FRY: variants seen among roughly 807,000 people sequenced by gnomAD.
The protein encoded by FRY is protein furry homolog.
In FRY, 128 loss-of-function variants were observed where a neutral mutation model predicts 348.4. That is an observed-to-expected ratio of 0.37 (90% confidence interval 0.32 to 0.43). FRY has a LOEUF of 0.43. FRY is among the 20% of genes least tolerant of loss of function. The pLI, the probability that FRY is intolerant of heterozygous loss-of-function variation, is 1.00. For missense variants in FRY, 2,736 were observed against 3,695.2 expected (o/e 0.74, Z 6.73); for synonymous variants, 1,370 against 1,374.7 (o/e 1.00, Z 0.08).
chr13:32,124,565 A>T, intron 5 of FRY, 37 bp from the exon 6 acceptor site: 1 of 1,214,826 alleles, frequency 8.2e-7, no homozygotes, highest in Non-Finnish European at 1.2e-6. Flanking sequence ...GTTCTTTAAT[A>T]TTCCCTTCTG....
intron 4 of FRY, among the ~76,000 whole-genome samples, chr13:32,119,526 G>A (rs1489261467): frequency 6.6e-6 from 1 of 151,806 alleles, no homozygotes; most frequent in African/African-American, 2.4e-5. Context: ...TTTCTGCCAA[G>A]AACTGCTACT....
At chr13:32,290,086 C>G (rs897389230) in intron 59 of FRY, among the ~76,000 whole-genome samples, 3 of 152,100 alleles carry the variant, frequency 2.0e-5, no homozygotes, top group Non-Finnish European at 4.4e-5. Flanking sequence ...TGTGGGTTTT[C>G]TTCTTTACAT....
chr13:32,113,389 T>C (rs565035270), intron 3 of FRY, among the ~76,000 whole-genome samples: 2 of 152,362 alleles, frequency 1.3e-5, no homozygotes, highest in East Asian at 3.9e-4. Flanking sequence ...TTAACAAGTA[T>C]AATGAAATGC....
intron 55 of FRY, among the ~76,000 whole-genome samples, chr13:32,267,834 A>G (rs574974958): frequency 1.3e-5 from 2 of 152,340 alleles, no homozygotes; most frequent in South Asian, 4.1e-4. Context: ...ATGAAAAGTC[A>G]TTCTTGCTGT....
intron 2 of FRY, among the ~76,000 whole-genome samples, chr13:32,093,629 G>A (rs1876483990): frequency 6.6e-6 from 1 of 152,220 alleles, no homozygotes; most frequent in Non-Finnish European, 1.5e-5. Context: ...TCCATCAGAA[G>A]GGACGTAATG....
chr13:32,035,089 T>G (rs1872442611), intron 1 of FRY, among the ~76,000 whole-genome samples: 1 of 152,176 alleles, frequency 6.6e-6, no homozygotes, highest in Non-Finnish European at 1.5e-5. Flanking sequence ...CCTAGCACAT[T>G]GTAAATGCCC....
At position 32,137,051 on chromosome 13, in the gene FRY, G is replaced by A. The variant is rs1171121151; in HGVS notation, c.1179+79G>A. The stretch of plus-strand genomic sequence containing the variant: ...TAGGCTGGCTGATGTGCTTCTGGAA[G>A]TGACTCCTGATGTTTGCCAGGGGAA... On this transcript the variant is annotated intron_variant, in intron 11 of 60. Coordinates refer to ENST00000542859, the MANE Select transcript of FRY (RefSeq NM_023037.3). 3.7e-6 allele frequency: 3 copies of A among 812,962 alleles called. No individual in the cohort carries two copies. The African/African-American group carries it at 5.0e-5, about 14-fold the overall frequency. The allele number at this position is 812,962 out of a possible 1,614,324, so 50.4% of individuals were successfully genotyped here.
At chr13:32,210,174 G>C (rs1370371051) in intron 33 of FRY, among the ~76,000 whole-genome samples, 1 of 152,238 alleles carries the variant, frequency 6.6e-6, no homozygotes, top group African/African-American at 2.4e-5. Flanking sequence ...TGGTAGAAGA[G>C]AGAAGTAAGC....
chr13:32,277,677 T>G (rs17592921), intron 57 of FRY, among the ~76,000 whole-genome samples: 10,739 of 152,310 alleles, frequency 0.071, 480 homozygotes, highest in Admixed American at 0.11. Context: ...TTGGGGTTTG[T>G]TTATTGCTAT....
At position 32,110,092 on chromosome 13, in the gene FRY, G is replaced by A. The variant is rs1877858979; in HGVS notation, c.325-7242G>A. Reference sequence around the variant, plus strand: ...TTTGAGGAAGGCTTTTGCTGCAATGGCTATTCATGGATGTGTAGAGTGCAT... The same window carrying A: ...TTTGAGGAAGGCTTTTGCTGCAATGACTATTCATGGATGTGTAGAGTGCAT... On this transcript the variant is annotated intron_variant, in intron 3 of 60. Coordinates refer to ENST00000542859, the MANE Select transcript of FRY (RefSeq NM_023037.3). 2.6e-5 allele frequency among the ~76,000 whole-genome samples: 4 copies of A among 152,200 alleles called. No individual in the cohort carries two copies. The South Asian group carries it at 8.3e-4, about 32-fold the overall frequency.
chr13:32,040,869 A>G (rs1268420120), intron 1 of FRY, among the ~76,000 whole-genome samples: 1 of 152,234 alleles, frequency 6.6e-6, no homozygotes, highest in Non-Finnish European at 1.5e-5. Context: ...AGTAGATATC[A>G]TGTTTCAGTT....
chr13:32,059,697 T>C (rs554198560), intron 1 of FRY, among the ~76,000 whole-genome samples: 1 of 152,230 alleles, frequency 6.6e-6, no homozygotes, highest in South Asian at 2.1e-4. Flanking sequence ...CCCTCCCACC[T>C]TTTGGAATCT....
intron 2 of FRY, among the ~76,000 whole-genome samples, chr13:32,089,006 A>G (rs1004460966): frequency 1.3e-5 from 2 of 152,222 alleles, no homozygotes; most frequent in African/African-American, 4.8e-5. Flanking sequence ...ACCAATAAAA[A>G]TACGTTCAAT....
intron 1 of FRY, among the ~76,000 whole-genome samples, chr13:32,064,231 A>C (rs1236309163): frequency 6.6e-6 from 1 of 152,130 alleles, no homozygotes; most frequent in African/African-American, 2.4e-5. Flanking sequence ...GGAAGTGAGC[A>C]TGTGAGCCAT....
chr13:32,073,210 G>A (rs1283436268), intron 1 of FRY, among the ~76,000 whole-genome samples: 1 of 152,196 alleles, frequency 6.6e-6, no homozygotes, highest in Non-Finnish European at 1.5e-5. Flanking sequence ...AGATGGGAAA[G>A]CAGTGTGATC....
At chr13:32,275,220 TAC>T in intron 56 of FRY, 2 of 162,408 alleles carry the variant, frequency 1.2e-5, no homozygotes, top group South Asian at 1.1e-4. Flanking sequence ...CTATTAAAAA[TAC>T]AAAAAAAAAA....
intron 49 of FRY, among the ~76,000 whole-genome samples, chr13:32,251,125 G>A (rs1887057483): frequency 6.6e-6 from 1 of 152,134 alleles, no homozygotes; most frequent in African/African-American, 2.4e-5. Flanking sequence ...GATTAAAGGG[G>A]GGAGAATCAT....
At chr13:32,273,513 C>G (rs1453158197) in intron 55 of FRY, among the ~76,000 whole-genome samples, 1 of 152,150 alleles carries the variant, frequency 6.6e-6, no homozygotes, top group Non-Finnish European at 1.5e-5. Context: ...TGAGCCACCG[C>G]GCCCGGCCTA....
intron 7 of FRY, among the ~76,000 whole-genome samples, chr13:32,130,039 A>G (rs1167997149): frequency 2.8e-5 from 4 of 145,054 alleles, no homozygotes; most frequent in African/African-American, 1.0e-4. Flanking sequence ...TATAATCACA[A>G]TTACCTCCCC....
Sources: allele counts gnomAD v4.1 joint callset (sites outside exome capture counted in the v4.1 genomes callset), GRCh38; gene constraint gnomAD v4.1.1; transcripts MANE v1.5; gene names NCBI Gene and HGNC (gene_info 2026-07-23, HGNC 2026-07-21).